Variants in IGF2 observed in about 807,000 individuals in gnomAD.
IGF2 encodes insulin like growth factor 2, also known as insulin-like growth factor 2.
In IGF2, 2 loss-of-function variants were observed where a neutral mutation model predicts 12.0. The observed-to-expected ratio is 0.17, with a 90% CI of 0.07 to 0.52. The LOEUF (loss-of-function observed/expected upper bound fraction) is 0.52. Ranked by LOEUF, IGF2 falls within the 20% of genes least tolerant of loss-of-function variation. The pLI is 0.95. For missense variants in IGF2, 211 were observed against 268.0 expected (o/e 0.79, Z 1.48); for synonymous variants, 105 against 110.1 (o/e 0.95, Z 0.29).
At chr11:2,148,923 T>C in the IGF2 span, 7 of 599,848 alleles carry the variant, frequency 1.2e-5, no homozygotes, top group South Asian at 1.2e-4. The surrounding 1 kb of genome is among the most constrained non-coding windows in gnomAD (Gnocchi z 4.3). Context: ...GAGAACCCTC[T>C]CCACAATGGC....
At chr11:2,140,154 G>A (rs376757645), upstream of IGF2, 17 of 1,613,036 alleles carry the variant, frequency 1.1e-5, no homozygotes, top group East Asian at 3.1e-4. Flanking sequence ...CGAGCTCACC[G>A]GGGTGCGTCT....
upstream of IGF2, among the ~76,000 whole-genome samples, chr11:2,145,840 C>G (rs923886139): frequency 1.3e-5 from 2 of 152,056 alleles, no homozygotes; most frequent in Non-Finnish European, 2.9e-5. Context: ...CCCTGAGGCT[C>G]GAAAAGCACA....
chr11:2,146,239 C>T, the IGF2 span: 3 of 531,272 alleles, frequency 5.6e-6, no homozygotes, highest in Middle Eastern at 3.2e-4. Context: ...CCCATTTCCT[C>T]CCCAGCTCTG....
At chr11:2,136,565 C>T (rs1020587942) in intron 1 of IGF2, among the ~76,000 whole-genome samples, 2 of 152,278 alleles carry the variant, frequency 1.3e-5, no homozygotes, top group African/African-American at 4.8e-5. Context: ...GAAGGTGGAA[C>T]CCTCCAGGCG....
At chr11:2,149,140 C>T in the IGF2 span, 1 of 1,613,436 alleles carries the variant, frequency 6.2e-7, no homozygotes, top group Non-Finnish European at 8.5e-7. Flanking sequence ...ACTCTAGTCC[C>T]TGCGCAGTCC....
rs1453981282 is a variant in IGF2, at chr11:2,130,087, G to A, written c.*2900C>T. The A allele has an allele frequency of 4.3e-6, 1 of 230,122 alleles. No homozygotes were observed. The highest frequency in any genetic ancestry group is 8.6e-6 in the Non-Finnish European group (1 of 116,170). The allele number at this position is 230,122 out of a possible 1,614,324, so 14.3% of individuals were successfully genotyped here. A position where few individuals can be genotyped will look rare whatever the true frequency, so the allele number is the denominator to read the frequency against. The stretch of plus-strand genomic sequence containing the variant: ...AGGGGCGGGCAAGATGTCACCGAGG[G>A]AGAGGGGAGGGTTCCTCAAGTGTGC... On this transcript the variant is annotated 3_prime_UTR_variant, in exon 4 of 4. Transcript: ENST00000416167.
intron 2 of IGF2, among the ~76,000 whole-genome samples, chr11:2,134,626 C>T (rs1003961056): frequency 8.5e-5 from 13 of 152,206 alleles, no homozygotes; most frequent in African/African-American, 1.2e-4. Context: ...ATAAGCCGTG[C>T]GGCCTCTGCC....
In IGF2 at chr11:2,132,213, T is replaced by C; in HGVS notation, c.*774A>G. On this transcript the variant is annotated 3_prime_UTR_variant, in exon 4 of 4. Coordinates refer to ENST00000416167, the MANE Select transcript of IGF2 (RefSeq NM_000612.6). The stretch of plus-strand genomic sequence containing the variant: ...ACATTTCATTTGCATGGATTTTGGT[T>C]TTCATGCTCTGTCCTCCCCTCCTTT... 1 of 205,568 alleles carries C rather than the reference T, an allele frequency of 4.9e-6. No homozygotes were observed. The highest frequency in any genetic ancestry group is 9.9e-6 in the Non-Finnish European group (1 of 100,584). 12.7% of individuals were successfully genotyped at this position (205,568 alleles called of 1,614,324 possible).
chr11:2,144,108 T>C (rs1337422619), upstream of IGF2, among the ~76,000 whole-genome samples: 1 of 151,820 alleles, frequency 6.6e-6, no homozygotes, highest in Non-Finnish European at 1.5e-5. Flanking sequence ...TTCTTTGCCT[T>C]CTCCACACGG....
chr11:2,133,590 G>T lies in IGF2; in HGVS notation c.233C>A (p.Ala78Asp), dbSNP rs1858777283. The change falls in exon 3 of 4, where the codon GCC becomes GAC. Residue 78 changes from alanine to aspartate, a missense_variant. This residue lies in a region of IGF2 where 141 missense variants were observed against 153.1 expected (regional missense o/e 0.92). Coordinates refer to ENST00000416167, the MANE Select transcript of IGF2 (RefSeq NM_000612.6). The surrounding 1 kb of genome is among the most constrained non-coding windows in gnomAD (Gnocchi z 8.9). ...GGTAGCACAGTACGTCTCCAGGAGG[G>T]CCAGGTCACAGCTGCGGAAACAGCA... is the stretch of plus-strand genomic sequence containing the variant. The part of the protein sequence containing the change: ...EECCFRSCDL[A>D]LLETYCATPA... 1 of 1,613,030 alleles carries T rather than the reference G, an allele frequency of 6.2e-7. No individual in the cohort carries two copies. The highest frequency in any genetic ancestry group is 8.5e-7 in the Non-Finnish European group (1 of 1,179,974).
rs1010451708 is a variant in IGF2 at position 2,139,043 on chromosome 11, G to A, written c.-821C>T. 1.1e-4 allele frequency: 75 copies of A among 660,682 alleles called. No homozygotes were observed. The African/African-American group carries it at 1.5e-3, about 14-fold the overall frequency. The allele number at this position is 660,682 out of a possible 1,614,324, so 40.9% of individuals were successfully genotyped here. Reference sequence around the variant, plus strand: ...AGCGGCCCGAGGCTGCGCGCCGGGGGGAGGGCTGGAGGGGGAGCGCGGGGG... The same window carrying A: ...AGCGGCCCGAGGCTGCGCGCCGGGGAGAGGGCTGGAGGGGGAGCGCGGGGG... On this transcript the variant is annotated 5_prime_UTR_variant, in exon 1 of 4. Coordinates refer to ENST00000416167, the MANE Select transcript of IGF2 (RefSeq NM_000612.6).
chr11:2,146,185 C>T, upstream of IGF2: 1 of 514,782 alleles, frequency 1.9e-6, no homozygotes, highest in Non-Finnish European at 3.9e-6. Context: ...TGTGGCTGCT[C>T]CCCATCCCCT....
upstream of IGF2, chr11:2,139,446 C>T (rs1859382083): frequency 6.8e-6 from 1 of 146,834 alleles, no homozygotes. Context: ...GGCCCAGGGC[C>T]CGCGCGGGCC....
At chr11:2,141,510 G>A (rs1315608971), upstream of IGF2, among the ~76,000 whole-genome samples, 3 of 152,186 alleles carry the variant, frequency 2.0e-5, no homozygotes, top group Non-Finnish European at 4.4e-5. Flanking sequence ...TTGTGAGGAG[G>A]GGTAGTTAAA....
upstream of IGF2, among the ~76,000 whole-genome samples, chr11:2,144,498 G>A (rs1301502240): frequency 3.9e-5 from 6 of 152,252 alleles, no homozygotes; most frequent in Admixed American, 1.3e-4. Context: ...AAGAGCAGAG[G>A]AAGTGGGGAG....
intron 1 of IGF2, chr11:2,137,108 C>A (rs1050627134): frequency 4.8e-5 from 21 of 440,710 alleles, no homozygotes; most frequent in South Asian, 3.8e-4. Context: ...GAGGCCCAGG[C>A]GTGGGCCGTG....
rs962605020 is a variant in IGF2, at chr11:2,131,720, T to C, written c.*1267A>G. Reference sequence around the variant, plus strand: ...GTGTGTGCTGTGTGTGCTGTGTTCGTGTGTGCTGTGTTCGCGTGTGTGTGC... The same window carrying C: ...GTGTGTGCTGTGTGTGCTGTGTTCGCGTGTGCTGTGTTCGCGTGTGTGTGC... On this transcript the variant is annotated 3_prime_UTR_variant, in exon 4 of 4. Coordinates refer to ENST00000416167, the MANE Select transcript of IGF2 (RefSeq NM_000612.6). 1.1e-4 allele frequency: 24 copies of C among 214,090 alleles called. No homozygotes were observed. The highest frequency in any genetic ancestry group is 4.2e-4 in the Admixed American group (7 of 16,518). The allele number at this position is 214,090 out of a possible 1,614,324, so 13.3% of individuals were successfully genotyped here. A position where few individuals can be genotyped will look rare whatever the true frequency, so the allele number is the denominator to read the frequency against.
Position 2,135,419 on chromosome 11 carries a change from C to T in IGF2, c.105G>A (p.Gly35=), listed in dbSNP as rs546567293. 6.2e-7 allele frequency: 1 copy of T among 1,613,732 alleles called. No homozygotes were observed. The highest frequency in any genetic ancestry group is 1.3e-5 in the African/African-American group (1 of 75,060). The part of the protein sequence containing the change: ...AYRPSETLCG[G]ELVDTLQFVC... ...CGAACTGGAGGGTGTCCACCAGCTC[C>T]CCGCCGCACAGGGTCTCACTGGGGC... The change falls in exon 2 of 4, where the codon GGG becomes GGA. Residue 35 remains glycine (G), a synonymous_variant. Coordinates refer to ENST00000416167, the MANE Select transcript of IGF2 (RefSeq NM_000612.6).
chr11:2,141,387 G>A (rs1449842088), upstream of IGF2: 1 of 152,216 alleles, frequency 6.6e-6, no homozygotes, highest in Non-Finnish European at 1.5e-5. Flanking sequence ...GACTAAACTC[G>A]AGACTCCAGA....
Sources: allele counts gnomAD v4.1 joint callset (sites outside exome capture counted in the v4.1 genomes callset), GRCh38; gene constraint gnomAD v4.1.1; regional missense constraint gnomAD v4.1.1; non-coding constraint Gnocchi (gnomAD v3.1); transcripts MANE v1.5; gene names NCBI Gene and HGNC (gene_info 2026-07-23, HGNC 2026-07-21).